PRKCG: variants seen among roughly 807,000 people sequenced by gnomAD.
The protein encoded by PRKCG is protein kinase C gamma, also known as protein kinase C gamma type.
PRKCG carries 28 observed loss-of-function variants against 82.0 expected under a neutral mutation model. The observed-to-expected ratio is 0.34, with a 90% CI of 0.25 to 0.47. The LOEUF is 0.47. PRKCG is among the 20% of genes least tolerant of loss of function. The pLI is 1.00. For missense variants in PRKCG, 640 were observed against 952.7 expected (o/e 0.67, Z 4.32); for synonymous variants, 383 against 376.6 (o/e 1.02, Z -0.20).
chr19:53,898,191 G>T (rs2068731730), intron 10 of PRKCG, 80 bp downstream of exon 10: 6 of 1,558,524 alleles, frequency 3.8e-6, no homozygotes, highest in Non-Finnish European at 5.2e-6. Flanking sequence ...AGGAAGTGGG[G>T]GTGGGAAGAG....
chr19:53,890,551 G>T (rs150632229), intron 5 of PRKCG, among the ~76,000 whole-genome samples: 1 of 151,490 alleles, frequency 6.6e-6, no homozygotes, highest in South Asian at 2.1e-4. Context: ...GAGCCACCGC[G>T]CCTGGCCAAT....
intron 9 of PRKCG, among the ~76,000 whole-genome samples, chr19:53,897,510 A>T (rs1422665800): frequency 6.6e-6 from 1 of 152,206 alleles, no homozygotes; most frequent in Non-Finnish European, 1.5e-5. Flanking sequence ...AGTGGGACCC[A>T]GCAATCTGTT....
chr19:53,882,469 C>G lies in PRKCG; in HGVS notation c.-26C>G. 2.5e-6 allele frequency: 4 copies of G among 1,608,986 alleles called. No individual in the cohort carries two copies. Among genetic ancestry groups the G allele is most frequent in the Non-Finnish European group, 3.4e-6 (4 of 1,177,602 alleles). ...TGTTTCCCCCAAGAAAGGCAGGATC[C>G]TGGTCCCTGCTACGTTTCTGGGGCC... On this transcript the variant is annotated 5_prime_UTR_variant, in exon 1 of 18. Coordinates refer to ENST00000263431, the MANE Select transcript of PRKCG (RefSeq NM_002739.5). This position sits in a 1 kb window ranked among gnomAD's most constrained non-coding sequence, Gnocchi z 6.1.
chr19:53,906,075 C>CTTCTTCTTCTTCTT (rs1568763920), intron 16 of PRKCG, among the ~76,000 whole-genome samples: 3 of 47,840 alleles, frequency 6.3e-5, no homozygotes, highest in Non-Finnish European at 1.0e-4. Flanking sequence ...TCCTCCTCCT[C>CTTCTTCTTCTTCTT]CTCCTCCTCC....
intron 11 of PRKCG, among the ~76,000 whole-genome samples, chr19:53,899,708 T>G (rs1043275470): frequency 1.3e-5 from 2 of 152,056 alleles, no homozygotes; most frequent in African/African-American, 2.4e-5. Flanking sequence ...CGTCTCAGCC[T>G]CCTGAGTAGC....
chr19:53,905,315 C>T (rs1485271969), intron 16 of PRKCG, among the ~76,000 whole-genome samples: 1 of 152,030 alleles, frequency 6.6e-6, no homozygotes, highest in Non-Finnish European at 1.5e-5. Flanking sequence ...GCATCTCTGT[C>T]TACACTTTTG....
intron 14 of PRKCG, 32 bp from the exon 15 acceptor site, chr19:53,903,041 C>T (rs1260661238): frequency 1.9e-6 from 3 of 1,561,450 alleles, no homozygotes; most frequent in Non-Finnish European, 2.6e-6. Flanking sequence ...CTAAAGAACG[C>T]ATCATGATTC....
intron 9 of PRKCG, among the ~76,000 whole-genome samples, chr19:53,894,038 T>C (rs1309882830): frequency 6.6e-6 from 1 of 151,814 alleles, no homozygotes; most frequent in Non-Finnish European, 1.5e-5. Context: ...ATTACAGGCA[T>C]GAGCCACTGC....
In PRKCG at chr19:53,882,321, G is replaced by T; in HGVS notation, c.-174G>T. 1.1e-6 allele frequency: 1 copy of T among 951,468 alleles called. No individual in the cohort carries two copies. The allele number at this position is 951,468 out of a possible 1,614,324, so 58.9% of individuals were successfully genotyped here. A position where few individuals can be genotyped will look rare whatever the true frequency, so the allele number is the denominator to read the frequency against. On this transcript the variant is annotated 5_prime_UTR_variant, in exon 1 of 18. Transcript: ENST00000263431. This position sits in a 1 kb window ranked among gnomAD's most constrained non-coding sequence, Gnocchi z 6.1. ...TCCCCCTGGCGGAGCCGGCGCGCCC[G>T]GGGTGCCGCTCCCTGCCTGGCGCGC...
Position 53,900,397 on chromosome 19 carries a change from C to T in PRKCG, c.1374-22C>T, listed in dbSNP as rs372113458. 1.1e-5 allele frequency: 17 copies of T among 1,613,994 alleles called. No individual in the cohort carries two copies. The highest frequency in any genetic ancestry group is 2.2e-5 in the South Asian group (2 of 91,082). Reference sequence around the variant, plus strand: ...GATCCAGCCACTGACCTTCTGACGTCCCCACCCACCCCGTCCTCCAGGTTC... The same window carrying T: ...GATCCAGCCACTGACCTTCTGACGTTCCCACCCACCCCGTCCTCCAGGTTC... On this transcript the variant is annotated intron_variant, in intron 12 of 17. Transcript: ENST00000263431. This position sits in a 1 kb window ranked among gnomAD's most constrained non-coding sequence, Gnocchi z 4.2.
At chr19:53,906,528 T>C in intron 17 of PRKCG, 71 bp downstream of exon 17, 1 of 1,572,676 alleles carries the variant, frequency 6.4e-7, no homozygotes, top group Non-Finnish European at 8.6e-7. Context: ...TCAATATACC[T>C]GTATGTGGGG....
chr19:53,891,004 C>T (rs893175523), intron 5 of PRKCG, among the ~76,000 whole-genome samples: 2 of 151,536 alleles, frequency 1.3e-5, no homozygotes, highest in East Asian at 2.0e-4. Context: ...CGCCCGCCTC[C>T]GCCTCCCAAA....
Position 53,906,579 on chromosome 19 carries a change from G to C in PRKCG, c.1905+122G>C, listed in dbSNP as rs2068813447. ...CAGAGCCCCCCGCCCCCAACAAAAGGAGGTGCAGACACCATGAAGCATGAA... is the reference window on the plus strand; with the variant it reads ...CAGAGCCCCCCGCCCCCAACAAAAGCAGGTGCAGACACCATGAAGCATGAA... On this transcript the variant is annotated intron_variant, in intron 17 of 17. Transcript: ENST00000263431. 2.0e-5 allele frequency: 31 copies of C among 1,558,970 alleles called. No individual in the cohort carries two copies. In the South Asian group the frequency reaches 3.4e-4, roughly 17 times the overall value.
chr19:53,894,496 G>A (rs947457324), intron 9 of PRKCG, among the ~76,000 whole-genome samples: 3 of 144,210 alleles, frequency 2.1e-5, no homozygotes, highest in Non-Finnish European at 4.5e-5. Context: ...ATCTCCTTTT[G>A]TCACCCAGGT....
Position 53,900,589 on chromosome 19 carries a change from C to G in PRKCG, c.1437-22C>G. 6.2e-7 allele frequency: 1 copy of G among 1,614,200 alleles called. No individual in the cohort carries two copies. The highest frequency in any genetic ancestry group is 2.2e-5 in the East Asian group (1 of 44,888). On this transcript the variant is annotated intron_variant, in intron 13 of 17. Transcript: ENST00000263431. This position sits in a 1 kb window ranked among gnomAD's most constrained non-coding sequence, Gnocchi z 4.2. ...ACTCAACACTTCTTGCAATTCCTGC[C>G]CCACACCCCTGCATCGTCCAGGGAC...
At position 53,889,994 on chromosome 19, in the gene PRKCG, C is replaced by T; in HGVS notation, c.506C>T (p.Thr169Ile). ...GRLQLEIRAP[T>I]ADEIHVTVGE... ...CTGCAGCTGGAGATCCGGGCTCCCA[C>T]AGCAGATGAGATCCACGTAACTGGT... The change falls in exon 5 of 18, where the codon ACA becomes ATA. Residue 169 changes from threonine (T) to isoleucine (I), a missense_variant. By Grantham distance (89) the Thr-to-Ile change is moderately conservative (BLOSUM62 -1). Transcript: ENST00000263431. This position sits in a 1 kb window ranked among gnomAD's most constrained non-coding sequence, Gnocchi z 4.4. 1 of 1,568,332 alleles carries T rather than the reference C, an allele frequency of 6.4e-7. No individual in the cohort carries two copies.
intron 5 of PRKCG, 72 bp downstream of exon 5, chr19:53,890,089 T>G (rs2068662365): frequency 1.3e-6 from 2 of 1,489,088 alleles, no homozygotes; most frequent in Non-Finnish European, 1.8e-6. Context: ...AAGGCACTTG[T>G]GCTGGCCCAG....
chr19:53,893,340 C>G, intron 8 of PRKCG, 22 bp from the exon 9 acceptor site: 2 of 1,611,328 alleles, frequency 1.2e-6, no homozygotes, highest in Non-Finnish European at 1.7e-6. Flanking sequence ...GGGACCCTGA[C>G]TCTCTCTTTC....
chr19:53,882,317 G>T lies in PRKCG; in HGVS notation c.-178G>T, dbSNP rs760985936. 9.9e-6 allele frequency: 9 copies of T among 908,176 alleles called. No individual in the cohort carries two copies. The highest frequency in any genetic ancestry group is 1.6e-5 in the South Asian group (1 of 62,876). 56.3% of individuals were successfully genotyped at this position (908,176 alleles called of 1,614,324 possible). On this transcript the variant is annotated 5_prime_UTR_variant, in exon 1 of 18. Coordinates refer to ENST00000263431, the MANE Select transcript of PRKCG (RefSeq NM_002739.5). This position sits in a 1 kb window ranked among gnomAD's most constrained non-coding sequence, Gnocchi z 6.1. ...CCGCTCCCCCTGGCGGAGCCGGCGC[G>T]CCCGGGGTGCCGCTCCCTGCCTGGC...
Sources: gnomAD v4.1 joint callset for allele counts (sites outside exome capture counted in the v4.1 genomes callset) on GRCh38, gnomAD v4.1.1 for gene constraint, Gnocchi (gnomAD v3.1) non-coding constraint, MANE v1.5 for transcripts, NCBI Gene and HGNC (gene_info 2026-07-23, HGNC 2026-07-21) for gene names.